RARB: variants seen among roughly 807,000 people sequenced by gnomAD.
RARB encodes HBV-activated protein.
Under a neutral mutation model 51.9 loss-of-function variants are expected in RARB, and 17 were observed. The ratio of observed to expected loss-of-function variants is 0.33; its 90% confidence interval spans 0.22 to 0.49. RARB has a LOEUF of 0.49. Ranked by LOEUF, RARB falls within the 20% of genes least tolerant of loss-of-function variation. RARB has a pLI of 0.99. For synonymous variants in RARB, 215 were observed against 195.4 expected, an observed-to-expected ratio of 1.10 and a Z score of -0.84; for missense variants, 369 against 550.8, an observed-to-expected ratio of 0.67 and a Z score of 3.30.
intron 5 of RARB, among the ~76,000 whole-genome samples, chr3:25,211,319 G>A (rs1224954905): frequency 6.6e-6 from 1 of 152,184 alleles, no homozygotes; most frequent in Non-Finnish European, 1.5e-5. Context: ...ATGATTATAA[G>A]CCTTCATGAT....
rs75668487 is a variant in RARB at position 24,921,148 on chromosome 3, G to A, written c.-380+62396G>A. 4.5e-3 allele frequency among the ~76,000 whole-genome samples: 676 copies of A among 151,874 alleles called. 6 individuals carry two copies. The highest frequency in any genetic ancestry group is 0.015 in the African/African-American group (609 of 41,408). ...AAGAGAATTCTGATTTTTTTTCAAC[G>A]CTAGTACAAGCAGTTTGAATAGCCC... On this transcript the variant is annotated intron_variant, in intron 2 of 11. Coordinates refer to the RARB transcript ENST00000383772.
At chr3:25,369,143 G>A (rs953396296) in intron 5 of RARB, among the ~76,000 whole-genome samples, 6 of 152,098 alleles carry the variant, frequency 3.9e-5, no homozygotes, top group Admixed American at 3.3e-4. Context: ...AAACATCTAT[G>A]TGGTAATCAC....
Position 25,410,441 on chromosome 3 carries a change from C to T in RARB, c.179-50752C>T, listed in dbSNP as rs116515351. Among the ~76,000 whole-genome samples, 679 of 152,316 alleles carry T rather than the reference C, an allele frequency of 4.5e-3. 7 individuals carry two copies. Among genetic ancestry groups the T allele is most frequent in the African/African-American group, 0.016 (655 of 41,570 alleles). On this transcript the variant is annotated intron_variant, in intron 5 of 11. Coordinates refer to the RARB transcript ENST00000383772. ...TTTTATCCTAGAATCACAACTGATA[C>T]CAGCTAACTTTATGAAGAATTATTT...
At chr3:24,894,761 A>G (rs921300260) in intron 2 of RARB, among the ~76,000 whole-genome samples, 13 of 152,236 alleles carry the variant, frequency 8.5e-5, no homozygotes, top group African/African-American at 3.1e-4. Context: ...TGGAGTAACC[A>G]TAATATATCA....
intron 2 of RARB, among the ~76,000 whole-genome samples, chr3:24,987,599 C>T (rs75194677): frequency 1.3e-4 from 20 of 152,328 alleles, no homozygotes; most frequent in Non-Finnish European, 2.2e-4. Context: ...TTATATCCCT[C>T]CTGAGGGACT....
At chr3:24,961,586 G>A (rs938405119) in intron 2 of RARB, among the ~76,000 whole-genome samples, 3 of 145,150 alleles carry the variant, frequency 2.1e-5, no homozygotes, top group African/African-American at 5.0e-5. Flanking sequence ...AGGTTGTTCA[G>A]ACAGATGAAT....
At chr3:25,081,941 A>G (rs369896823) in intron 3 of RARB, among the ~76,000 whole-genome samples, 2 of 151,690 alleles carry the variant, frequency 1.3e-5, no homozygotes, top group South Asian at 2.1e-4. Flanking sequence ...CCTGCTTCAT[A>G]TATTTTTAAG....
At chr3:24,911,760 C>T (rs1265838736) in intron 2 of RARB, among the ~76,000 whole-genome samples, 4 of 152,172 alleles carry the variant, frequency 2.6e-5, no homozygotes, top group Middle Eastern at 3.4e-3. Flanking sequence ...CAAGATCAGC[C>T]TGGGAAACAT....
chr3:25,464,097 T>C (rs1051200989), intron 2 of RARB, among the ~76,000 whole-genome samples: 1 of 152,240 alleles, frequency 6.6e-6, no homozygotes, highest in Non-Finnish European at 1.5e-5. Context: ...TAATGTTTAT[T>C]TGAAAAGTAA....
intron 2 of RARB, among the ~76,000 whole-genome samples, chr3:24,976,217 C>G (rs1272856209): frequency 6.6e-6 from 1 of 152,122 alleles, no homozygotes; most frequent in African/African-American, 2.4e-5. Context: ...GTGAATAGTG[C>G]TGCCATGAAC....
intron 5 of RARB, among the ~76,000 whole-genome samples, chr3:25,309,074 A>ATTTCCCTT (rs1704221237): frequency 1.4e-5 from 2 of 141,982 alleles, no homozygotes; most frequent in Admixed American, 7.1e-5. Context: ...TACCTTGCTG[A>ATTTCCCTT]TTTCCCTTTC....
intron 4 of RARB, among the ~76,000 whole-genome samples, chr3:25,165,923 T>C (rs1700553521): frequency 6.6e-6 from 1 of 152,190 alleles, no homozygotes; most frequent in Admixed American, 6.5e-5. Context: ...CTTTAGCAGA[T>C]GGAATCTTAC....
chr3:25,559,640 A>G (rs1338509049), intron 3 of RARB, among the ~76,000 whole-genome samples: 3 of 152,236 alleles, frequency 2.0e-5, no homozygotes, highest in Non-Finnish European at 4.4e-5. Context: ...GAAGAAATAA[A>G]TAGATGGATA....
At chr3:25,125,220 C>T (rs1306495248) in intron 3 of RARB, among the ~76,000 whole-genome samples, 5 of 152,198 alleles carry the variant, frequency 3.3e-5, no homozygotes, top group African/African-American at 4.8e-5. Flanking sequence ...GAAGTTTAAT[C>T]AGGGCATCTG....
chr3:25,198,584 C>G (rs915335273), intron 5 of RARB, among the ~76,000 whole-genome samples: 3 of 151,868 alleles, frequency 2.0e-5, no homozygotes, highest in African/African-American at 7.3e-5. Context: ...AAATAGTATT[C>G]CTATAAATAG....
At chr3:24,959,636 T>C (rs937269) in intron 2 of RARB, among the ~76,000 whole-genome samples, 86,690 of 152,080 alleles carry the variant, frequency 0.57, 25,974 homozygotes, top group African/African-American at 0.74. Flanking sequence ...CCAGGGACAC[T>C]GCCCTTTTCC....
At chr3:25,067,027 G>C (rs1046432344) in intron 3 of RARB, among the ~76,000 whole-genome samples, 9 of 152,164 alleles carry the variant, frequency 5.9e-5, no homozygotes, top group Admixed American at 1.3e-4. Flanking sequence ...TGGATACCAT[G>C]TTAAGCATTG....
At chr3:25,309,599 G>A (rs1267781125) in intron 5 of RARB, among the ~76,000 whole-genome samples, 2 of 140,002 alleles carry the variant, frequency 1.4e-5, no homozygotes, top group South Asian at 4.8e-4. Context: ...CCGAGTTCAA[G>A]CAATTCACCT....
chr3:25,108,392 A>T (rs1021500204), intron 3 of RARB, among the ~76,000 whole-genome samples: 1 of 152,196 alleles, frequency 6.6e-6, no homozygotes, highest in African/African-American at 2.4e-5. Flanking sequence ...TCAAAGGATG[A>T]TTCAGCTATC....
Sources: gnomAD v4.1 joint callset for allele counts (sites outside exome capture counted in the v4.1 genomes callset) on GRCh38, gnomAD v4.1.1 for gene constraint, MANE v1.5 for transcripts, NCBI Gene and HGNC (gene_info 2026-07-23, HGNC 2026-07-21) for gene names.